GRM1: variants seen among roughly 807,000 people sequenced by gnomAD.
The protein encoded by GRM1 is metabotropic glutamate receptor 1.
GRM1 carries 33 observed loss-of-function variants against 90.9 expected under a neutral mutation model. The observed-to-expected ratio is 0.36, with a 90% CI of 0.28 to 0.49. GRM1 has a LOEUF of 0.49. Among genes scored for constraint, GRM1 ranks in the 20% least tolerant of loss-of-function variants. The pLI, the probability that GRM1 is intolerant of heterozygous loss-of-function variation, is 0.99. For missense variants in GRM1, 1,190 were observed against 1,534.3 expected, an observed-to-expected ratio of 0.78 and a Z score of 3.75; for synonymous variants, 700 against 613.2, an observed-to-expected ratio of 1.14 and a Z score of -2.09.
At chr6:146,270,853 CTTTCTTTCTTTCTT>C (rs1782099483) in intron 2 of GRM1, among the ~76,000 whole-genome samples, 26 of 41,556 alleles carry the variant, frequency 6.3e-4, no homozygotes, top group Admixed American at 2.0e-3. Context: ...CTTTCTTTTT[CTTTCTTTCTTTCTT>C]TCTTTCTTTC....
At chr6:146,415,186 G>C (rs1777733384) in intron 7 of GRM1, among the ~76,000 whole-genome samples, 1 of 152,136 alleles carries the variant, frequency 6.6e-6, no homozygotes, top group Non-Finnish European at 1.5e-5. Flanking sequence ...CCACCATGCA[G>C]ACTGTTGTAT....
intron 2 of GRM1, among the ~76,000 whole-genome samples, chr6:146,232,359 A>G (rs761186108): frequency 6.6e-6 from 1 of 151,910 alleles, no homozygotes; most frequent in Admixed American, 6.6e-5. Flanking sequence ...TTATGTCATA[A>G]TCTCCCCTTG....
Position 146,340,835 on chromosome 6 carries a change from C to T in GRM1, c.1187-11415C>T, listed in dbSNP as rs146353448. ...CTGGGATTGCAGGCGTGAGCCACCG[C>T]GCCCTGCCCCAAAGCCACATTTCTA... On this transcript the variant is annotated intron_variant, in intron 3 of 7. Transcript: ENST00000282753. Among the ~76,000 whole-genome samples, 58 of 152,278 alleles carry T rather than the reference C, an allele frequency of 3.8e-4. 1 individual carries two copies. In the East Asian group the frequency reaches 0.01, roughly 27 times the overall value.
intron 2 of GRM1, among the ~76,000 whole-genome samples, chr6:146,259,233 A>G (rs1004918838): frequency 1.3e-5 from 2 of 152,152 alleles, no homozygotes; most frequent in African/African-American, 2.4e-5. Flanking sequence ...TAAATCTAGG[A>G]TGGTGGCCTG....
chr6:146,068,486 C>T (rs1775922498), intron 1 of GRM1, among the ~76,000 whole-genome samples: 2 of 152,026 alleles, frequency 1.3e-5, no homozygotes, highest in Admixed American at 6.6e-5. Flanking sequence ...ACTTTATTCC[C>T]CCATTCTCCT....
intron 2 of GRM1, among the ~76,000 whole-genome samples, chr6:146,203,046 T>A (rs1246724091): frequency 6.6e-6 from 1 of 151,538 alleles, no homozygotes; most frequent in African/African-American, 2.4e-5. Flanking sequence ...TACAAAAAAT[T>A]AGCCGGGCGT....
At chr6:146,264,106 C>T (rs187993812) in intron 2 of GRM1, among the ~76,000 whole-genome samples, 4 of 151,984 alleles carry the variant, frequency 2.6e-5, no homozygotes, top group African/African-American at 7.2e-5. Context: ...TAAAAATCAC[C>T]GTCTTGGAAA....
chr6:146,091,785 C>G (rs1358038308), intron 1 of GRM1, among the ~76,000 whole-genome samples: 1 of 152,076 alleles, frequency 6.6e-6, no homozygotes, highest in Non-Finnish European at 1.5e-5. Flanking sequence ...AAAAATCTAT[C>G]TCTGCAATCT....
In GRM1 at chr6:146,270,916, C is replaced by CTTTCTTTCTTTCTTTCTTT. The variant is rs1562571299; in HGVS notation, c.951-33695_951-33694insTTTCTTTCTTTCTTTCTTT. 7.4e-5 allele frequency among the ~76,000 whole-genome samples: 4 copies of CTTTCTTTCTTTCTTTCTTT among 53,768 alleles called. 1 individual carries two copies. The highest frequency in any genetic ancestry group is 1.1e-3 in the East Asian group (2 of 1,878). The allele number at this position is 53,768 out of a possible 152,430, so 35.3% of individuals were successfully genotyped here. A position where few individuals can be genotyped will look rare whatever the true frequency, so the allele number is the denominator to read the frequency against. On this transcript the variant is annotated intron_variant, in intron 2 of 7. Coordinates refer to ENST00000282753, the MANE Select transcript of GRM1 (RefSeq NM_001278064.2). ...TTCTTTCTTTCTTTCTTTCTTTCTT[C>CTTTCTTTCTTTCTTTCTTT]CTTCCTTCCTTCCTTCCTTCCTTCC...
chr6:146,346,367 C>T lies in GRM1; in HGVS notation c.1187-5883C>T, dbSNP rs988836102. On this transcript the variant is annotated intron_variant, in intron 3 of 7. Transcript: ENST00000282753. ...ATAATAACCGTGATAATAACATGTG[C>T]TTGATTAAATGATCTTTTCTTTCTT... is the stretch of plus-strand genomic sequence containing the variant. Among the ~76,000 whole-genome samples, 7 of 152,210 alleles carry T rather than the reference C, an allele frequency of 4.6e-5. No homozygotes were observed. In the South Asian group the frequency reaches 6.2e-4, roughly 13 times the overall value.
chr6:146,112,964 A>C (rs1775616276), intron 1 of GRM1, among the ~76,000 whole-genome samples: 1 of 152,212 alleles, frequency 6.6e-6, no homozygotes, highest in African/African-American at 2.4e-5. Context: ...TAAAACTTTA[A>C]TAAGTTAAAG....
chr6:146,171,659 A>C (rs1778132301), intron 2 of GRM1: 1 of 285,368 alleles, frequency 3.5e-6, no homozygotes, highest in Admixed American at 3.7e-5. Context: ...TACTGAGTAC[A>C]TCAAAGATGA....
intron 3 of GRM1, among the ~76,000 whole-genome samples, chr6:146,331,423 A>T (rs1473284137): frequency 6.6e-6 from 1 of 152,226 alleles, no homozygotes; most frequent in South Asian, 2.1e-4. Context: ...AACAAGAAAT[A>T]ATGGAAAATG....
intron 2 of GRM1, among the ~76,000 whole-genome samples, chr6:146,178,085 G>A (rs901253453): frequency 3.3e-5 from 5 of 152,038 alleles, no homozygotes; most frequent in South Asian, 2.1e-4. Flanking sequence ...TATGTTTTCC[G>A]CAGATCATAG....
intron 1 of GRM1, among the ~76,000 whole-genome samples, chr6:146,145,466 C>T (rs1402609052): frequency 6.6e-6 from 1 of 152,160 alleles, no homozygotes; most frequent in African/African-American, 2.4e-5. Flanking sequence ...ACTCTCTGTC[C>T]CCAAGCACAC....
intron 3 of GRM1, among the ~76,000 whole-genome samples, chr6:146,312,870 A>G (rs1401985611): frequency 1.3e-5 from 2 of 152,232 alleles, no homozygotes; most frequent in Non-Finnish European, 2.9e-5. Context: ...TCTGATGCCC[A>G]ACATAGGGTG....
At chr6:146,322,502 C>T (rs1294991882) in intron 3 of GRM1, among the ~76,000 whole-genome samples, 1 of 152,226 alleles carries the variant, frequency 6.6e-6, no homozygotes, top group African/African-American at 2.4e-5. Flanking sequence ...ACAAGCTCCC[C>T]TTCCCTGAGG....
intron 3 of GRM1, among the ~76,000 whole-genome samples, chr6:146,317,224 G>A (rs1050541107): frequency 2.0e-5 from 3 of 152,112 alleles, no homozygotes; most frequent in African/African-American, 7.2e-5. Context: ...TGGGTCTTTT[G>A]TGGTACAAAG....
At position 146,432,214 on chromosome 6, in the gene GRM1, G is replaced by A. The variant is rs571926926; in HGVS notation, c.2661-1658G>A. ...AGCTTTGTCTTAGACAATTAAAAAT[G>A]CAGTGTAGGGTATCAGATATATGGA... is the stretch of plus-strand genomic sequence containing the variant. On this transcript the variant is annotated intron_variant, in intron 7 of 7. Coordinates refer to ENST00000282753, the MANE Select transcript of GRM1 (RefSeq NM_001278064.2). Among the ~76,000 whole-genome samples the A allele has an allele frequency of 2.1e-3, 319 of 152,306 alleles. 2 individuals carry two copies. The highest frequency in any genetic ancestry group is 7.4e-3 in the African/African-American group (307 of 41,562).
Sources: allele counts gnomAD v4.1 joint callset (sites outside exome capture counted in the v4.1 genomes callset), GRCh38; gene constraint gnomAD v4.1.1; transcripts MANE v1.5; gene names NCBI Gene and HGNC (gene_info 2026-07-23, HGNC 2026-07-21).